The following SACS variants were observed in gnomAD, a reference collection of about 807,000 sequenced individuals.
The protein encoded by SACS is sacsin molecular chaperone, also known as sacsin.
SACS carries 197 observed loss-of-function variants against 348.0 expected under a neutral mutation model. The observed-to-expected ratio is 0.57, with a 90% CI of 0.50 to 0.64. The LOEUF (loss-of-function observed/expected upper bound fraction) is 0.64. Among genes scored for constraint, SACS ranks in the 30% least tolerant of loss-of-function variants. SACS has a pLI of 0.00. For synonymous variants in SACS, 1,985 were observed against 1,910.6 expected, an observed-to-expected ratio of 1.04 and a Z score of -1.02; for missense variants, 4,999 against 5,360.8, an observed-to-expected ratio of 0.93 and a Z score of 2.11.
intron 1 of SACS, chr13:23,419,429 G>T (rs563364265): frequency 6.6e-6 from 1 of 152,282 alleles, no homozygotes; most frequent in Admixed American, 6.5e-5. Flanking sequence ...CCTAGAGGCC[G>T]TCTAGGAGAG....
intron 6 of SACS, among the ~76,000 whole-genome samples, chr13:23,364,806 T>C (rs1870963368): frequency 6.6e-6 from 1 of 152,160 alleles, no homozygotes; most frequent in African/African-American, 2.4e-5. Context: ...AAGCGGAAAA[T>C]ACACAAAAGC....
chr13:23,333,919 T>C lies in SACS; in HGVS notation c.9957A>G (p.Lys3319=), dbSNP rs1206636264. Residue 3319 remains lysine (K), a synonymous_variant, in exon 10 of 10, where the codon AAA becomes AAG. Transcript: ENST00000382292. ...CAGCTTTCATTAGAGCATGAAAAAC[T>C]TTATCACTCTGGGCATTTGGAAAAA... ...IAVFPNAQSD[K]VFHALMKAGC... The C allele has an allele frequency of 6.2e-7, 1 of 1,613,800 alleles. No individual in the cohort carries two copies.
intron 2 of SACS, among the ~76,000 whole-genome samples, chr13:23,378,792 G>C (rs950650736): frequency 6.6e-6 from 1 of 152,166 alleles, no homozygotes; most frequent in African/African-American, 2.4e-5. Flanking sequence ...GGCTATAGCA[G>C]CATGTAGATT....
At chr13:23,350,727 T>A (rs1327302107) in intron 9 of SACS, among the ~76,000 whole-genome samples, 1 of 152,216 alleles carries the variant, frequency 6.6e-6, no homozygotes. Flanking sequence ...TACATGTCTG[T>A]GATGCTCCCT....
intron 7 of SACS, among the ~76,000 whole-genome samples, chr13:23,357,297 C>T (rs1870454899): frequency 6.6e-6 from 1 of 152,078 alleles, no homozygotes; most frequent in African/African-American, 2.4e-5. Context: ...AAGAGGTGGA[C>T]ACGAGTATTA....
rs549579743 is a variant in SACS, at chr13:23,375,534, CGAG to C, written c.21-268_21-266del. 4.2e-3 allele frequency: 4,545 copies of C among 1,080,066 alleles called. 148 individuals carry two copies. The African/African-American group carries it at 0.069, about 16-fold the overall frequency. 66.9% of individuals were successfully genotyped at this position (1,080,066 alleles called of 1,614,324 possible). Reference sequence around the variant, plus strand: ...AAACGCTAGAGGAAGCCGCGGCGGCCGAGGAGCAGGCGGGGGCGGGGACTGCGC... The same window carrying C: ...AAACGCTAGAGGAAGCCGCGGCGGCCGAGCAGGCGGGGGCGGGGACTGCGC... On this transcript the variant is annotated intron_variant, in intron 2 of 9. Coordinates refer to ENST00000382292, the MANE Select transcript of SACS (RefSeq NM_014363.6).
chr13:23,388,953 T>C (rs1205346899), intron 2 of SACS, among the ~76,000 whole-genome samples: 2 of 152,140 alleles, frequency 1.3e-5, no homozygotes, highest in African/African-American at 4.8e-5. Context: ...CAAAAGAAAG[T>C]ATCATTTGCA....
At chr13:23,413,296 T>C (rs1405398991) in intron 1 of SACS, among the ~76,000 whole-genome samples, 1 of 152,196 alleles carries the variant, frequency 6.6e-6, no homozygotes, top group African/African-American at 2.4e-5. Flanking sequence ...TTATAAACAA[T>C]GGTAAGTGGA....
In SACS at chr13:23,339,211, T is replaced by G. The variant is rs769852897; in HGVS notation, c.4665A>C (p.Lys1555Asn). ...ACACAGAATTAAATCCAAGACCAAATTTTCCAACTTTGTCAACTTCTCCCC... is the reference window on the plus strand; with the variant it reads ...ACACAGAATTAAATCCAAGACCAAAGTTTCCAACTTTGTCAACTTCTCCCC... ...LKRGEVDKVG[K>N]FGLGFNSVYH... Residue 1555 changes from lysine (K) to asparagine (N), a missense_variant, in exon 10 of 10, where the codon AAA (lysine) becomes AAC (asparagine). Transcript: ENST00000382292. The G allele has an allele frequency of 5.0e-6, 8 of 1,611,266 alleles. No individual in the cohort carries two copies. The highest frequency in any genetic ancestry group is 6.8e-6 in the Non-Finnish European group (8 of 1,178,806).
rs762731071 is a variant in SACS at position 23,333,931 on chromosome 13, G to A, written c.9945C>T (p.Ala3315=). Residue 3315 remains alanine, a synonymous_variant, in exon 10 of 10, where the codon GCC becomes GCT. Transcript: ENST00000382292. The stretch of plus-strand genomic sequence containing the variant: ...GAGCATGAAAAACTTTATCACTCTG[G>A]GCATTTGGAAAAACTGCAATGTGCA... ...SLMHIAVFPN[A]QSDKVFHALM... 3.7e-6 allele frequency: 6 copies of A among 1,613,588 alleles called. No homozygotes were observed. The highest frequency in any genetic ancestry group is 5.1e-6 in the Non-Finnish European group (6 of 1,179,822).
At chr13:23,400,556 G>T (rs1872924362) in intron 2 of SACS, among the ~76,000 whole-genome samples, 1 of 152,176 alleles carries the variant, frequency 6.6e-6, no homozygotes, top group South Asian at 2.1e-4. Context: ...GAGTAGCTGG[G>T]CCTACAGGTG....
At chr13:23,384,931 AGTC>A (rs1043722913) in intron 2 of SACS, among the ~76,000 whole-genome samples, 5 of 152,300 alleles carry the variant, frequency 3.3e-5, no homozygotes, top group African/African-American at 1.2e-4. Context: ...ACTATACTAT[AGTC>A]TATTAAGTGT....
intron 2 of SACS, among the ~76,000 whole-genome samples, chr13:23,399,449 C>T (rs1453387371): frequency 2.0e-5 from 3 of 152,168 alleles, no homozygotes; most frequent in Non-Finnish European, 4.4e-5. Context: ...AACTACCCTT[C>T]CCGCCTTTGC....
intron 5 of SACS, among the ~76,000 whole-genome samples, chr13:23,366,414 G>A (rs901682234): frequency 6.7e-6 from 1 of 148,714 alleles, no homozygotes; most frequent in South Asian, 2.2e-4. Context: ...ATCAGCTAGT[G>A]ATTCTTCCTT....
chr13:23,371,497 G>A (rs1475677982), intron 3 of SACS, among the ~76,000 whole-genome samples: 1 of 152,000 alleles, frequency 6.6e-6, no homozygotes, highest in Non-Finnish European at 1.5e-5. Flanking sequence ...AAAGTGTATT[G>A]CTCATAACAG....
At chr13:23,367,410 A>G (rs1871124049) in intron 5 of SACS, among the ~76,000 whole-genome samples, 1 of 152,196 alleles carries the variant, frequency 6.6e-6, no homozygotes, top group Admixed American at 6.5e-5. Flanking sequence ...ACTAGAAAAT[A>G]TAACCAGGGC....
At position 23,334,303 on chromosome 13, in the gene SACS, T is replaced by C. The variant is rs761821873; in HGVS notation, c.9573A>G (p.Thr3191=). The C allele has an allele frequency of 1.1e-5, 18 of 1,605,978 alleles. No individual in the cohort carries two copies. The Admixed American group carries it at 1.8e-4, about 16-fold the overall frequency. ...IPSRKDLFMN[T]LYLKYSNILL... The stretch of plus-strand genomic sequence containing the variant: ...AAATATTACTATATTTCAAATATAA[T>C]GTATTCATAAACAAGTCTTTGCGGG... Residue 3191 remains threonine (T), a synonymous_variant, in exon 10 of 10, where the codon ACA becomes ACG. Coordinates refer to ENST00000382292, the MANE Select transcript of SACS (RefSeq NM_014363.6).
chr13:23,356,102 A>G, intron 7 of SACS, 95 bp from the exon 8 acceptor site: 1 of 1,035,954 alleles, frequency 9.7e-7, no homozygotes, highest in Non-Finnish European at 1.4e-6. Context: ...ATGAGCCATT[A>G]AATGACTAAA....
chr13:23,366,778 T>G (rs943412452), intron 5 of SACS, among the ~76,000 whole-genome samples: 1 of 152,238 alleles, frequency 6.6e-6, no homozygotes, highest in African/African-American at 2.4e-5. Flanking sequence ...AGAGATTGTT[T>G]GTAAACTAAC....
Sources: allele counts gnomAD v4.1 joint callset (sites outside exome capture counted in the v4.1 genomes callset), GRCh38; gene constraint gnomAD v4.1.1; transcripts MANE v1.5; gene names NCBI Gene and HGNC (gene_info 2026-07-23, HGNC 2026-07-21).